The following SLC14A2 variants were observed in gnomAD, a reference collection of about 807,000 sequenced individuals.
SLC14A2 encodes urea transporter 2.
Under a neutral mutation model 104.6 loss-of-function variants are expected in SLC14A2, and 91 were observed. The ratio of observed to expected loss-of-function variants is 0.87; its 90% CI spans 0.73 to 1.04. The LOEUF is 1.04. Ranked by LOEUF, SLC14A2 falls within the 50% of genes least tolerant of loss-of-function variation. SLC14A2 has a pLI of 0.00. For synonymous variants in SLC14A2, 476 were observed against 466.4 expected (o/e 1.02, Z -0.27); for missense variants, 1,189 against 1,156.0 (o/e 1.03, Z -0.41).
At chr18:45,658,664 G>A (rs2045884196) in intron 10 of SLC14A2, among the ~76,000 whole-genome samples, 2 of 151,944 alleles carry the variant, frequency 1.3e-5, no homozygotes, top group Admixed American at 1.3e-4. Context: ...TTCAGAAAGA[G>A]GGTAGATTAT....
chr18:45,632,267 A>T, intron 4 of SLC14A2, 83 bp from the exon 5 acceptor site: 1 of 1,500,196 alleles, frequency 6.7e-7, no homozygotes, highest in Non-Finnish European at 9.0e-7. Flanking sequence ...CATCTAAATT[A>T]AGCATATCCT....
At chr18:45,301,042 T>A (rs2084963605) in intron 1 of SLC14A2, among the ~76,000 whole-genome samples, 1 of 152,196 alleles carries the variant, frequency 6.6e-6, no homozygotes, top group Non-Finnish European at 1.5e-5. Context: ...TAGATGATGA[T>A]GCGACTTCCT....
At chr18:45,542,389 C>T (rs1021179594) in intron 2 of SLC14A2, 2 of 151,712 alleles carry the variant, frequency 1.3e-5, no homozygotes, top group Non-Finnish European at 2.9e-5. Context: ...AAAAGGTATT[C>T]GAGTAGAATT....
chr18:45,570,272 A>C (rs2044326221), intron 2 of SLC14A2, among the ~76,000 whole-genome samples: 1 of 152,142 alleles, frequency 6.6e-6, no homozygotes, highest in South Asian at 2.1e-4. Context: ...CCAAAATTCT[A>C]TGACATCTGA....
intron 1 of SLC14A2, among the ~76,000 whole-genome samples, chr18:45,391,708 G>C (rs945609104): frequency 1.3e-5 from 2 of 152,112 alleles, no homozygotes; most frequent in East Asian, 1.9e-4. Flanking sequence ...GTGTCTTTTG[G>C]CTGTATAAAT....
chr18:45,368,551 G>A (rs1040116358), intron 1 of SLC14A2, among the ~76,000 whole-genome samples: 4 of 152,234 alleles, frequency 2.6e-5, no homozygotes, highest in South Asian at 2.1e-4. Flanking sequence ...TTATAATGTC[G>A]TTTCCCTTGT....
chr18:45,635,704 G>C (rs1214913285), intron 5 of SLC14A2, among the ~76,000 whole-genome samples: 1 of 152,218 alleles, frequency 6.6e-6, no homozygotes, highest in East Asian at 1.9e-4. Context: ...AGCCACAGCT[G>C]GAGTGGCCAT....
chr18:45,659,647 A>G lies in SLC14A2; in HGVS notation c.1352-4138A>G, dbSNP rs988156324. 5.9e-5 allele frequency among the ~76,000 whole-genome samples: 9 copies of G among 152,342 alleles called. 1 individual carries two copies. The highest frequency in any genetic ancestry group is 2.0e-4 in the Admixed American group (3 of 15,306). ...ATCCAAGTAACACTAGAAATAATCAATCCTTGCCCTGCAATTTCCAAAGCC... is the reference window on the plus strand; with the variant it reads ...ATCCAAGTAACACTAGAAATAATCAGTCCTTGCCCTGCAATTTCCAAAGCC... On this transcript the variant is annotated intron_variant, in intron 10 of 19. Coordinates refer to ENST00000255226, the MANE Select transcript of SLC14A2 (RefSeq NM_007163.4).
the SLC14A2 span, among the ~76,000 whole-genome samples, chr18:45,186,783 G>A: frequency 2.0e-4 from 30 of 152,162 alleles, no homozygotes; most frequent in African/African-American, 7.0e-4. Flanking sequence ...TGAAGACTGG[G>A]TGTAACCTAC....
chr18:45,237,604 C>T (rs1360123432), intron 1 of SLC14A2, among the ~76,000 whole-genome samples: 1 of 152,226 alleles, frequency 6.6e-6, no homozygotes, highest in Non-Finnish European at 1.5e-5. Flanking sequence ...GCTGCCCAAG[C>T]ATTGGCTGGT....
At chr18:45,296,937 G>C (rs2144180594) in intron 1 of SLC14A2, among the ~76,000 whole-genome samples, 1 of 151,988 alleles carries the variant, frequency 6.6e-6, no homozygotes, top group South Asian at 2.1e-4. Context: ...GCTTCTTTTT[G>C]AGGCCTTGTA....
At chr18:45,523,387 T>C (rs1272956412) in intron 2 of SLC14A2, among the ~76,000 whole-genome samples, 1 of 151,562 alleles carries the variant, frequency 6.6e-6, no homozygotes, top group Non-Finnish European at 1.5e-5. Context: ...TGGAGTGCAG[T>C]GGCGCAATCT....
At chr18:45,391,358 C>T (rs62090701) in intron 1 of SLC14A2, among the ~76,000 whole-genome samples, 16 of 152,310 alleles carry the variant, frequency 1.1e-4, no homozygotes, top group Non-Finnish European at 2.1e-4. Context: ...CAAGTCTTTG[C>T]TATTGTGAAT....
chr18:45,170,355 T>G, the SLC14A2 span, among the ~76,000 whole-genome samples: 3 of 152,080 alleles, frequency 2.0e-5, no homozygotes, highest in Non-Finnish European at 4.4e-5. Flanking sequence ...TGTTGAGTAA[T>G]CTGTGGAAGG....
chr18:45,437,192 T>C (rs918065849), intron 1 of SLC14A2, among the ~76,000 whole-genome samples: 7 of 152,196 alleles, frequency 4.6e-5, no homozygotes, highest in Non-Finnish European at 8.8e-5. Context: ...CCTTTCAACA[T>C]AGTGCTTGAA....
At chr18:45,465,258 G>C (rs2087119415) in intron 1 of SLC14A2, among the ~76,000 whole-genome samples, 1 of 152,228 alleles carries the variant, frequency 6.6e-6, no homozygotes, top group Non-Finnish European at 1.5e-5. Flanking sequence ...GGTTCAGTGA[G>C]AGAAGCAGTG....
intron 18 of SLC14A2, among the ~76,000 whole-genome samples, chr18:45,675,705 ATATATTTT>A (rs1291510583): frequency 4.5e-5 from 3 of 66,514 alleles, no homozygotes; most frequent in African/African-American, 1.6e-4. Context: ...ATATATATAT[ATATATTTT>A]TTTTTTTTTT....
At chr18:45,642,267 C>G (rs1207950552) in intron 8 of SLC14A2, among the ~76,000 whole-genome samples, 1 of 152,186 alleles carries the variant, frequency 6.6e-6, no homozygotes, top group Non-Finnish European at 1.5e-5. Flanking sequence ...TTCCATATCC[C>G]TTGTATCCCC....
At chr18:45,466,740 G>A (rs2087149971) in intron 1 of SLC14A2, among the ~76,000 whole-genome samples, 1 of 151,780 alleles carries the variant, frequency 6.6e-6, no homozygotes, top group Non-Finnish European at 1.5e-5. Context: ...AATTCGGAAT[G>A]CAATGGGCAG....
Sources: gnomAD v4.1 joint callset for allele counts (sites outside exome capture counted in the v4.1 genomes callset) on GRCh38, gnomAD v4.1.1 for gene constraint, MANE v1.5 for transcripts, NCBI Gene and HGNC (gene_info 2026-07-23, HGNC 2026-07-21) for gene names.